Variants in PTPRJ observed in about 807,000 individuals in gnomAD.
The protein encoded by PTPRJ is protein tyrosine phosphatase receptor type J, also known as receptor-type tyrosine-protein phosphatase eta.
PTPRJ carries 129 observed loss-of-function variants against 141.3 expected under a neutral mutation model. The ratio of observed to expected loss-of-function variants is 0.91; its 90% CI spans 0.79 to 1.06. The LOEUF (loss-of-function observed/expected upper bound fraction) is 1.06. PTPRJ is among the 50% of genes least tolerant of loss of function. The pLI is 0.00. For synonymous variants in PTPRJ, 610 were observed against 640.5 expected (o/e 0.95, Z 0.72); for missense variants, 1,601 against 1,679.7 (o/e 0.95, Z 0.82).
intron 1 of PTPRJ, among the ~76,000 whole-genome samples, chr11:48,078,455 A>C (rs181758730): frequency 1.8e-4 from 28 of 152,308 alleles, no homozygotes; most frequent in Admixed American, 3.9e-4. Context: ...AGCCCTACAG[A>C]GATGGGCTTC....
rs182352998 is a variant in PTPRJ, at chr11:48,096,269, C to T, written c.97-13789C>T. Among the ~76,000 whole-genome samples the T allele has an allele frequency of 1.3e-4, 20 of 152,208 alleles. 1 individual carries two copies. Among genetic ancestry groups the T allele is most frequent in the Admixed American group, 7.9e-4 (12 of 15,286 alleles). ...GCAGGCAGGAAAACGATCTGCCAGG[C>T]GCTGGGGGTGGGGCAGAGGATTGTT... On this transcript the variant is annotated intron_variant, in intron 1 of 24. Coordinates refer to ENST00000418331, the MANE Select transcript of PTPRJ (RefSeq NM_002843.4).
At chr11:48,092,783 G>T (rs764730088) in intron 1 of PTPRJ, among the ~76,000 whole-genome samples, 2 of 152,156 alleles carry the variant, frequency 1.3e-5, no homozygotes, top group African/African-American at 4.8e-5. Flanking sequence ...TGCAGTGTTT[G>T]TCTTTATGTG....
In PTPRJ at chr11:48,168,976, G is replaced by GC; in HGVS notation, c.*1614_*1615insC. On this transcript the variant is annotated 3_prime_UTR_variant, in exon 25 of 25. Coordinates refer to ENST00000418331, the MANE Select transcript of PTPRJ (RefSeq NM_002843.4). The stretch of plus-strand genomic sequence containing the variant: ...CCTGTGGCTGTTGCCACAGTAATGT[G>GC]TCCTGCTGTAAACAGGACAGGTGTG... 6.6e-6 allele frequency: 1 copy of GC among 152,122 alleles called. No homozygotes were observed. The highest frequency in any genetic ancestry group is 1.5e-5 in the Non-Finnish European group (1 of 68,016). 9.4% of individuals were successfully genotyped at this position (152,122 alleles called of 1,614,324 possible).
intron 1 of PTPRJ, among the ~76,000 whole-genome samples, chr11:48,096,257 C>T (rs1275831294): frequency 2.0e-5 from 3 of 152,144 alleles, no homozygotes; most frequent in Non-Finnish European, 4.4e-5. Context: ...GGCAGGAAAA[C>T]GATCTGCCAG....
chr11:48,120,900 G>C, intron 3 of PTPRJ, 103 bp from the exon 4 acceptor site: 1 of 1,102,352 alleles, frequency 9.1e-7, no homozygotes, highest in African/African-American at 1.6e-5. Context: ...ATAAAACTCT[G>C]TGATTGGAAA....
chr11:48,077,885 A>T (rs936187496), intron 1 of PTPRJ, among the ~76,000 whole-genome samples: 16 of 152,152 alleles, frequency 1.1e-4, no homozygotes, highest in African/African-American at 3.9e-4. Flanking sequence ...TACTGGAATG[A>T]TCTATTTACA....
At chr11:48,046,912 ATTTTT>A (rs1217187387) in intron 1 of PTPRJ, among the ~76,000 whole-genome samples, 4 of 74,168 alleles carry the variant, frequency 5.4e-5, no homozygotes, top group African/African-American at 2.9e-4. Context: ...ATATATATAT[ATTTTT>A]TTTTTTTTTT....
intron 1 of PTPRJ, among the ~76,000 whole-genome samples, chr11:48,078,052 T>TC (rs1855454647): frequency 6.6e-6 from 1 of 151,590 alleles, no homozygotes; most frequent in Admixed American, 6.6e-5. Flanking sequence ...CAGTGTTTTT[T>TC]TTTTCTTTTT....
intron 1 of PTPRJ, among the ~76,000 whole-genome samples, chr11:48,070,711 G>A (rs1309613836): frequency 6.6e-6 from 1 of 152,060 alleles, no homozygotes. Flanking sequence ...TTTCTCCATG[G>A]GCCTTTTGTT....
chr11:48,084,211 T>G (rs1426138568), intron 1 of PTPRJ, among the ~76,000 whole-genome samples: 1 of 152,092 alleles, frequency 6.6e-6, no homozygotes, highest in Admixed American at 6.6e-5. Flanking sequence ...TTGCTCTGTT[T>G]CCCAGGCTGG....
chr11:48,054,473 G>A (rs997531889), intron 1 of PTPRJ, among the ~76,000 whole-genome samples: 1 of 152,184 alleles, frequency 6.6e-6, no homozygotes. Context: ...GTTTGTCTGC[G>A]TTATCTTCTT....
chr11:48,053,420 ATATG>A (rs1854654164), intron 1 of PTPRJ, among the ~76,000 whole-genome samples: 1 of 102,104 alleles, frequency 9.8e-6, no homozygotes, highest in Non-Finnish European at 1.7e-5. Context: ...ATATAAATAT[ATATG>A]TATAAAATAT....
chr11:48,036,221 T>C (rs1318540126), intron 1 of PTPRJ, among the ~76,000 whole-genome samples: 1 of 152,238 alleles, frequency 6.6e-6, no homozygotes, highest in Non-Finnish European at 1.5e-5. Context: ...CTGAAACAGA[T>C]AGAAGAGTCT....
At chr11:48,053,215 A>T (rs1301296352) in intron 1 of PTPRJ, among the ~76,000 whole-genome samples, 6 of 92,562 alleles carry the variant, frequency 6.5e-5, no homozygotes, top group Non-Finnish European at 9.6e-5. Flanking sequence ...ATTATATATA[A>T]TATATTAAAT....
chr11:48,116,734 T>A (rs1214655091), intron 3 of PTPRJ, among the ~76,000 whole-genome samples: 1 of 152,188 alleles, frequency 6.6e-6, no homozygotes, highest in Non-Finnish European at 1.5e-5. Context: ...TTTCTGATGA[T>A]GGCATCAAAC....
At chr11:48,120,978 T>G (rs75837704) in intron 3 of PTPRJ, 25 bp from the exon 4 acceptor site, 1 of 303,156 alleles carries the variant, frequency 3.3e-6, no homozygotes, top group Non-Finnish European at 4.6e-6. Context: ...GTGCAATAAT[T>G]TTTTTTTTTT....
At chr11:48,078,767 G>A (rs941722524) in intron 1 of PTPRJ, among the ~76,000 whole-genome samples, 3 of 147,866 alleles carry the variant, frequency 2.0e-5, no homozygotes, top group Admixed American at 2.0e-4. Context: ...GAAATTCTGT[G>A]AAATTCAAAT....
chr11:48,121,204 C>T lies in PTPRJ; in HGVS notation c.554C>T (p.Ser185Phe). 1 of 1,614,102 alleles carries T rather than the reference C, an allele frequency of 6.2e-7. No homozygotes were observed. The highest frequency in any genetic ancestry group is 8.5e-7 in the Non-Finnish European group (1 of 1,179,974). Residue 185 changes from serine to phenylalanine, a missense_variant, in exon 4 of 25, where the codon TCC (serine) becomes TTC (phenylalanine). Physicochemically the swap from Ser to Phe is radical, Grantham distance 155. Transcript: ENST00000418331. ...GLRPATSYVF[S>F]ITPGIGNETW... ...CGTCCAGCGACTTCATATGTATTCT[C>T]CATCACTCCAGGAATAGGCAATGAG...
chr11:48,062,035 G>T (rs1565283537), intron 1 of PTPRJ, among the ~76,000 whole-genome samples: 1 of 150,980 alleles, frequency 6.6e-6, no homozygotes, highest in African/African-American at 2.4e-5. Context: ...CTCCTGAGTA[G>T]CTAGGACTAC....
Sources: gnomAD v4.1 joint callset for allele counts (sites outside exome capture counted in the v4.1 genomes callset) on GRCh38, gnomAD v4.1.1 for gene constraint, MANE v1.5 for transcripts, NCBI Gene and HGNC (gene_info 2026-07-23, HGNC 2026-07-21) for gene names.